Variants in EFTUD2 observed in about 807,000 individuals in gnomAD.
EFTUD2 encodes the protein 116 kDa U5 small nuclear ribonucleoprotein component.
EFTUD2 carries 9 observed loss-of-function variants against 114.3 expected under a neutral mutation model. The observed-to-expected ratio is 0.08, with a 90% CI of 0.05 to 0.14. The LOEUF is 0.14. Among genes scored for constraint, EFTUD2 ranks in the 10% least tolerant of loss-of-function variants. EFTUD2 has a pLI of 1.00. For missense variants in EFTUD2, 765 were observed against 1,241.2 expected (o/e 0.62, Z 5.76); for synonymous variants, 449 against 462.3 (o/e 0.97, Z 0.37).
At chr17:44,882,179 C>A (rs112950484) in intron 6 of EFTUD2, among the ~76,000 whole-genome samples, 1 of 152,134 alleles carries the variant, frequency 6.6e-6, no homozygotes, top group Non-Finnish European at 1.5e-5. Context: ...TGTGATCCCC[C>A]CGGCTCAGCC....
intron 1 of EFTUD2, among the ~76,000 whole-genome samples, chr17:44,895,378 C>T (rs1306737218): frequency 6.6e-6 from 1 of 151,966 alleles, no homozygotes; most frequent in Non-Finnish European, 1.5e-5. Flanking sequence ...CACCTGTAAT[C>T]CCAGCTACTC....
chr17:44,878,913 A>T lies in EFTUD2; in HGVS notation c.702+643T>A, dbSNP rs562005549. ...ATACAGAAGACACCCTGGTATTTTAACTCCAATCTCTTGGAAAAACACAAC... is the reference window on the plus strand; with the variant it reads ...ATACAGAAGACACCCTGGTATTTTATCTCCAATCTCTTGGAAAAACACAAC... On this transcript the variant is annotated intron_variant, in intron 9 of 27. Transcript: ENST00000426333. 5.9e-5 allele frequency among the ~76,000 whole-genome samples: 9 copies of T among 152,290 alleles called. No homozygotes were observed. In the South Asian group the frequency reaches 1.7e-3, roughly 28 times the overall value.
intron 11 of EFTUD2, among the ~76,000 whole-genome samples, chr17:44,870,251 C>A (rs1160208141): frequency 1.3e-5 from 2 of 152,228 alleles, no homozygotes; most frequent in Non-Finnish European, 2.9e-5. Context: ...AAATTGGAAT[C>A]ATCTCTGCAT....
At chr17:44,881,309 G>C (rs1005875974) in intron 7 of EFTUD2, among the ~76,000 whole-genome samples, 6 of 152,362 alleles carry the variant, frequency 3.9e-5, no homozygotes, top group Non-Finnish European at 7.3e-5. Context: ...CTCCTAGAAA[G>C]AGGTCATCAT....
intron 25 of EFTUD2, 50 bp downstream of exon 25, chr17:44,853,246 G>C: frequency 1.9e-6 from 3 of 1,588,558 alleles, no homozygotes; most frequent in Non-Finnish European, 1.7e-6. Context: ...GGTGACTCTT[G>C]TTCTGCTCTT....
chr17:44,865,832 G>C (rs1425913761), intron 13 of EFTUD2, among the ~76,000 whole-genome samples: 1 of 152,000 alleles, frequency 6.6e-6, no homozygotes, highest in Non-Finnish European at 1.5e-5. Context: ...CTTTTTTAGA[G>C]ACAGGGTCTC....
At chr17:44,856,125 T>C (rs2050547665) in intron 20 of EFTUD2, among the ~76,000 whole-genome samples, 1 of 100,790 alleles carries the variant, frequency 9.9e-6, no homozygotes, top group Admixed American at 1.2e-4. Context: ...AGTGAGACCC[T>C]GTCTCAAAAA....
At chr17:44,894,316 G>A in intron 2 of EFTUD2, 101 bp downstream of exon 2, 1 of 956,808 alleles carries the variant, frequency 1.0e-6, no homozygotes. Context: ...GTTGCAGTGA[G>A]CTGAGATTGC....
At chr17:44,872,340 TC>T in intron 11 of EFTUD2, 105 bp downstream of exon 11, 1 of 1,448,724 alleles carries the variant, frequency 6.9e-7, no homozygotes, top group Non-Finnish European at 9.5e-7. Context: ...GATAAAATGT[TC>T]CCCCAGCAGG....
intron 9 of EFTUD2, 24 bp downstream of exon 9, chr17:44,879,532 T>C: frequency 6.2e-7 from 1 of 1,613,338 alleles, no homozygotes; most frequent in Non-Finnish European, 8.5e-7. Context: ...GTGGATGAGA[T>C]TCTGGGAGCT....
rs1204075819 is a variant in EFTUD2 at position 44,855,017 on chromosome 17, G to T, written c.2046-13C>A. The T allele has an allele frequency of 6.2e-7, 1 of 1,611,090 alleles. No individual in the cohort carries two copies. Among genetic ancestry groups the T allele is most frequent in the Non-Finnish European group, 8.5e-7 (1 of 1,177,398 alleles). On this transcript the variant is annotated splice_polypyrimidine_tract_variant and intron_variant, in intron 20 of 27. Transcript: ENST00000426333. ...GGTGATCTTGTTCCTGGTCAGAATG[G>T]AAATGGGTGGTAAGGACGGCTAACA...
In EFTUD2 at chr17:44,850,290, G is replaced by C; in HGVS notation, c.*984C>G. The C allele has an allele frequency of 1.3e-6, 2 of 1,546,454 alleles. No individual in the cohort carries two copies. The highest frequency in any genetic ancestry group is 2.7e-5 in the African/African-American group (2 of 74,130). On this transcript the variant is annotated 3_prime_UTR_variant, in exon 28 of 28. Coordinates refer to ENST00000426333, the MANE Select transcript of EFTUD2 (RefSeq NM_004247.4). The stretch of plus-strand genomic sequence containing the variant: ...GCCTGAGAGCCAGAGGACGGGTGAA[G>C]GGTTTGATGCCAAGGGGCATTATTT...
In EFTUD2 at chr17:44,850,563, A is replaced by G. The variant is rs1181208588; in HGVS notation, c.*711T>C. On this transcript the variant is annotated 3_prime_UTR_variant, in exon 28 of 28. Transcript: ENST00000426333. ...GACTTGGAGTAAATGGCTGGAAATC[A>G]AAGTGCTCTGGCCCCCTACTCCAGG... 8 of 563,902 alleles carry G rather than the reference A, an allele frequency of 1.4e-5. No homozygotes were observed. Among genetic ancestry groups the G allele is most frequent in the Admixed American group, 2.9e-5 (1 of 34,248 alleles). The allele number at this position is 563,902 out of a possible 1,614,324, so 34.9% of individuals were successfully genotyped here.
At chr17:44,880,331 A>C (rs2051050688) in intron 8 of EFTUD2, 1 of 396,188 alleles carries the variant, frequency 2.5e-6, no homozygotes, top group Admixed American at 4.1e-5. Context: ...TAACATTTTT[A>C]AATATTCGAA....
intron 6 of EFTUD2, chr17:44,881,977 G>A (rs1277036998): frequency 1.9e-5 from 9 of 462,458 alleles, no homozygotes; most frequent in Non-Finnish European, 3.5e-5. Context: ...TGTAGCCCAG[G>A]CTGGAGTGCA....
intron 5 of EFTUD2, 82 bp from the exon 6 acceptor site, chr17:44,883,240 A>T (rs1376277744): frequency 7.7e-7 from 1 of 1,300,398 alleles, no homozygotes; most frequent in Non-Finnish European, 1.1e-6. Context: ...AATACACCAC[A>T]TAATTTAGGG....
chr17:44,854,861 G>A lies in EFTUD2; in HGVS notation c.2132+57C>T. The A allele has an allele frequency of 2.5e-6, 4 of 1,587,808 alleles. No individual in the cohort carries two copies. Among genetic ancestry groups the A allele is most frequent in the Non-Finnish European group, 3.5e-6 (4 of 1,156,694 alleles). ...GATGTGTGCTCTTAGAGACCCGGCAGTTAAACTGTGGCATCCCTGCCTCCT... is the reference window on the plus strand; with the variant it reads ...GATGTGTGCTCTTAGAGACCCGGCAATTAAACTGTGGCATCCCTGCCTCCT... On this transcript the variant is annotated intron_variant, in intron 21 of 27. Transcript: ENST00000426333. This position sits in a 1 kb window ranked among gnomAD's most constrained non-coding sequence, Gnocchi z 4.3.
Position 44,851,777 on chromosome 17 carries a change from C to A in EFTUD2, c.2756G>T (p.Arg919Leu). The A allele has an allele frequency of 6.2e-7, 1 of 1,607,962 alleles. No individual in the cohort carries two copies. Among genetic ancestry groups the A allele is most frequent in the Non-Finnish European group, 8.5e-7 (1 of 1,178,194 alleles). ...GDPLDKSIVI[R>L]PLEPQPAPHL... ...AGGAGCTGGCTGTGGCTCCAAGGGG[C>A]GGATGACAATGCTCTTGTCCAGGGG... The change falls in exon 27 of 28, where the codon CGC becomes CTC. Residue 919 changes from arginine (R) to leucine (L), a missense_variant. Around this residue, in one of 6 missense-constraint regions of EFTUD2, gnomAD observed 166 missense variants for 401.5 expected, o/e 0.41. Transcript: ENST00000426333.
At chr17:44,856,950 C>A in intron 20 of EFTUD2, 125 bp downstream of exon 20, 1 of 732,092 alleles carries the variant, frequency 1.4e-6, no homozygotes, top group Non-Finnish European at 2.4e-6. Context: ...ATTGTAAGCA[C>A]CCCCTATTCT....
Sources: allele counts gnomAD v4.1 joint callset (sites outside exome capture counted in the v4.1 genomes callset), GRCh38; gene constraint gnomAD v4.1.1; regional missense constraint gnomAD v4.1.1; non-coding constraint Gnocchi (gnomAD v3.1); transcripts MANE v1.5; gene names NCBI Gene and HGNC (gene_info 2026-07-23, HGNC 2026-07-21).